The following CACNG3 variants were observed in gnomAD, a reference collection of about 807,000 sequenced individuals.
CACNG3 encodes calcium voltage-gated channel auxiliary subunit gamma 3.
A neutral mutation model predicts 28.5 loss-of-function variants in CACNG3; 3 were observed. That is an observed-to-expected ratio of 0.11 (90% CI 0.05 to 0.27). The LOEUF (loss-of-function observed/expected upper bound fraction) is 0.27. CACNG3 is among the 10% of genes least tolerant of loss of function. CACNG3 has a pLI of 1.00. For synonymous variants in CACNG3, 174 were observed against 162.2 expected (o/e 1.07, Z -0.55); for missense variants, 236 against 414.4 (o/e 0.57, Z 3.74).
At position 24,256,458 on chromosome 16, in the gene CACNG3, C is replaced by T. The variant is rs1363567165; in HGVS notation, c.-297C>T. 20 of 389,298 alleles carry T rather than the reference C, an allele frequency of 5.1e-5. No homozygotes were observed. Among genetic ancestry groups the T allele is most frequent in the Non-Finnish European group, 6.2e-5 (13 of 210,428 alleles). The allele number at this position is 389,298 out of a possible 1,614,324, so 24.1% of individuals were successfully genotyped here. On this transcript the variant is annotated 5_prime_UTR_variant, in exon 1 of 4. Transcript: ENST00000005284. This position sits in a 1 kb window ranked among gnomAD's most constrained non-coding sequence, Gnocchi z 4.6. ...CGGAGCCATGCCCTGCACGGACCCT[C>T]GTCTTTACCACGCTCCTGAGGAATG...
intron 1 of CACNG3, among the ~76,000 whole-genome samples, chr16:24,278,514 G>A (rs1898780716): frequency 6.6e-6 from 1 of 152,150 alleles, no homozygotes; most frequent in Admixed American, 6.5e-5. Flanking sequence ...TACTTGGGAG[G>A]CTGAGGCAGG....
chr16:24,313,372 G>T (rs1382366905), intron 1 of CACNG3, among the ~76,000 whole-genome samples: 2 of 152,058 alleles, frequency 1.3e-5, no homozygotes, highest in African/African-American at 4.8e-5. Context: ...AATACAGTTG[G>T]GATTTAAACT....
Position 24,313,452 on chromosome 16 carries a change from A to G in CACNG3, c.212-33282A>G, listed in dbSNP as rs1899303022. Among the ~76,000 whole-genome samples the G allele has an allele frequency of 2.6e-5, 4 of 152,192 alleles. No individual in the cohort carries two copies. In the South Asian group the frequency reaches 6.2e-4, roughly 24 times the overall value. The stretch of plus-strand genomic sequence containing the variant: ...AGTTGTCTCAAGAGTTCCTTTCGGC[A>G]CTTTTATGTTTTTGATTTTTTTATT... On this transcript the variant is annotated intron_variant, in intron 1 of 3. Transcript: ENST00000005284.
At position 24,302,432 on chromosome 16, in the gene CACNG3, C is replaced by T. The variant is rs534185475; in HGVS notation, c.212-44302C>T. On this transcript the variant is annotated intron_variant, in intron 1 of 3. Coordinates refer to ENST00000005284, the MANE Select transcript of CACNG3 (RefSeq NM_006539.4). ...ACGGAGTCAGCATCTGCCATCAGGACGGGTTCCAGGTATTGATTTTTTTTT... is the reference window on the plus strand; with the variant it reads ...ACGGAGTCAGCATCTGCCATCAGGATGGGTTCCAGGTATTGATTTTTTTTT... Among the ~76,000 whole-genome samples the T allele has an allele frequency of 9.2e-5, 14 of 152,084 alleles. No individual in the cohort carries two copies. In the East Asian group the frequency reaches 1.4e-3, roughly 15 times the overall value.
chr16:24,263,589 C>A (rs1898562203), intron 1 of CACNG3, among the ~76,000 whole-genome samples: 1 of 152,196 alleles, frequency 6.6e-6, no homozygotes, highest in Middle Eastern at 3.4e-3. Context: ...TGGGATATAG[C>A]AGGGGCTTTG....
intron 1 of CACNG3, among the ~76,000 whole-genome samples, chr16:24,305,801 TTAAAG>T (rs1389399726): frequency 6.6e-6 from 1 of 152,118 alleles, no homozygotes; most frequent in Non-Finnish European, 1.5e-5. Context: ...ATCCCAGAAC[TTAAAG>T]TAAAATTTAA....
chr16:24,289,487 G>T (rs777507789), intron 1 of CACNG3, among the ~76,000 whole-genome samples: 3 of 152,156 alleles, frequency 2.0e-5, no homozygotes, highest in Admixed American at 6.5e-5. Context: ...TGCAAAGCAG[G>T]TTCAATTTGA....
chr16:24,287,290 G>A (rs552991497), intron 1 of CACNG3, among the ~76,000 whole-genome samples: 3 of 151,978 alleles, frequency 2.0e-5, no homozygotes, highest in South Asian at 2.1e-4. Flanking sequence ...GGCCGAGGCG[G>A]GTGGATCACT....
intron 1 of CACNG3, among the ~76,000 whole-genome samples, chr16:24,344,558 A>C (rs1438181601): frequency 1.3e-5 from 2 of 152,226 alleles, no homozygotes; most frequent in Admixed American, 6.5e-5. Flanking sequence ...AAACTCTAAA[A>C]TATGAACAAG....
rs1224864205 is a variant in CACNG3 at position 24,256,381 on chromosome 16, G to T, written c.-374G>T. 1 of 265,292 alleles carries T rather than the reference G, an allele frequency of 3.8e-6. No homozygotes were observed. The highest frequency in any genetic ancestry group is 7.3e-6 in the Non-Finnish European group (1 of 137,190). 16.4% of individuals were successfully genotyped at this position (265,292 alleles called of 1,614,324 possible). Reference sequence around the variant, plus strand: ...TGGGTTTCTTTGCCTTGAGTCTCCCGGGGCTGTGAGAAGCCAGGCGCATCT... The same window carrying T: ...TGGGTTTCTTTGCCTTGAGTCTCCCTGGGCTGTGAGAAGCCAGGCGCATCT... On this transcript the variant is annotated 5_prime_UTR_variant, in exon 1 of 4. Transcript: ENST00000005284. This position sits in a 1 kb window ranked among gnomAD's most constrained non-coding sequence, Gnocchi z 4.6.
rs1186622277 is a variant in CACNG3, at chr16:24,317,624, AAGAC to A, written c.212-29102_212-29099del. Among the ~76,000 whole-genome samples the A allele has an allele frequency of 3.5e-3, 198 of 56,634 alleles. 12 individuals carry two copies. Among genetic ancestry groups the A allele is most frequent in the Non-Finnish European group, 4.3e-3 (122 of 28,450 alleles). The allele number at this position is 56,634 out of a possible 152,430, so 37.2% of individuals were successfully genotyped here. On this transcript the variant is annotated intron_variant, in intron 1 of 3. Coordinates refer to ENST00000005284, the MANE Select transcript of CACNG3 (RefSeq NM_006539.4). Reference sequence around the variant, plus strand: ...AAAGAAAGAAAGAAAGAAAGAAAGAAAGACAGACAGAAAGAAAGAAAAGAAAAGA... The same window carrying A: ...AAAGAAAGAAAGAAAGAAAGAAAGAAAGACAGAAAGAAAGAAAAGAAAAGA...
chr16:24,324,246 T>C (rs1013573214), intron 1 of CACNG3, among the ~76,000 whole-genome samples: 1 of 152,252 alleles, frequency 6.6e-6, no homozygotes. Flanking sequence ...GCATCTGCCT[T>C]GCTTGTATTT....
intron 1 of CACNG3, among the ~76,000 whole-genome samples, chr16:24,288,754 C>G (rs1474493908): frequency 1.3e-5 from 2 of 152,094 alleles, no homozygotes; most frequent in Non-Finnish European, 2.9e-5. Context: ...TTCCACACAT[C>G]CCCAGCTCGT....
intron 1 of CACNG3, among the ~76,000 whole-genome samples, chr16:24,274,008 G>A (rs981716973): frequency 6.6e-6 from 1 of 151,830 alleles, no homozygotes; most frequent in Admixed American, 6.6e-5. Context: ...CCAATATGGT[G>A]CAACCTCTTC....
intron 1 of CACNG3, among the ~76,000 whole-genome samples, chr16:24,279,166 G>T (rs1299810734): frequency 6.6e-6 from 1 of 152,132 alleles, no homozygotes; most frequent in Non-Finnish European, 1.5e-5. Context: ...CTTTATTCTA[G>T]GGGAAACAGA....
At position 24,317,564 on chromosome 16, in the gene CACNG3, AAG is replaced by A. The variant is rs1238857494; in HGVS notation, c.212-29168_212-29167del. On this transcript the variant is annotated intron_variant, in intron 1 of 3. Coordinates refer to ENST00000005284, the MANE Select transcript of CACNG3 (RefSeq NM_006539.4). ...CAAAAAAAAAAAAGAAAAAGAAAGA[AAG>A]AAAGAAAGAAAGAAAGAAAGAAAGA... 2.1e-3 allele frequency among the ~76,000 whole-genome samples: 90 copies of A among 42,266 alleles called. 3 individuals carry two copies. The East Asian group carries it at 0.041, about 19-fold the overall frequency. The allele number at this position is 42,266 out of a possible 152,430, so 27.7% of individuals were successfully genotyped here. A position where few individuals can be genotyped will look rare whatever the true frequency, so the allele number is the denominator to read the frequency against.
chr16:24,295,680 C>T (rs1292580829), intron 1 of CACNG3, among the ~76,000 whole-genome samples: 1 of 151,912 alleles, frequency 6.6e-6, no homozygotes, highest in Non-Finnish European at 1.5e-5. Context: ...GACCTCATCA[C>T]CACTAAAAAT....
chr16:24,261,604 A>G (rs1418869625), intron 1 of CACNG3, among the ~76,000 whole-genome samples: 1 of 152,168 alleles, frequency 6.6e-6, no homozygotes, highest in Non-Finnish European at 1.5e-5. Flanking sequence ...TGATGTTTTT[A>G]TATTTGATTC....
intron 1 of CACNG3, among the ~76,000 whole-genome samples, chr16:24,293,001 C>A (rs1446745499): frequency 6.6e-6 from 1 of 152,180 alleles, no homozygotes. Context: ...AGACATTTAT[C>A]CAATCACTTG....
Sources: allele counts gnomAD v4.1 joint callset (sites outside exome capture counted in the v4.1 genomes callset), GRCh38; gene constraint gnomAD v4.1.1; non-coding constraint Gnocchi (gnomAD v3.1); transcripts MANE v1.5; gene names NCBI Gene and HGNC (gene_info 2026-07-23, HGNC 2026-07-21).